Variants in XKR9 observed in about 807,000 individuals in gnomAD.
XKR9 encodes XK-related protein 9.
Under a neutral mutation model 32.0 loss-of-function variants are expected in XKR9, and 32 were observed. The observed-to-expected ratio is 1.00, with a 90% CI of 0.76 to 1.34. The LOEUF is 1.34. XKR9 is among the 40% of genes most tolerant of loss of function. The probability of loss-of-function intolerance (pLI) is 0.00; values close to 1 mark genes in which losing one functional copy is unlikely to be tolerated. For missense variants in XKR9, 546 were observed against 429.7 expected (o/e 1.27, Z -2.39); for synonymous variants, 168 against 143.4 (o/e 1.17, Z -1.22).
chr8:70,949,419 T>TAA, the XKR9 span, among the ~76,000 whole-genome samples: 2 of 151,970 alleles, frequency 1.3e-5, no homozygotes, highest in Non-Finnish European at 2.9e-5. Context: ...TTTAGATTTC[T>TAA]AAATCTAGAA....
chr8:70,973,128 C>T, the XKR9 span, among the ~76,000 whole-genome samples: 5 of 151,912 alleles, frequency 3.3e-5, no homozygotes, highest in Admixed American at 2.0e-4. Context: ...TTTTAATTAT[C>T]ATTTCAATCC....
chr8:70,854,035 A>C, the XKR9 span, among the ~76,000 whole-genome samples: 7 of 151,056 alleles, frequency 4.6e-5, no homozygotes, highest in African/African-American at 1.5e-4. Context: ...TCTTTTGGGT[A>C]TATACCCAGT....
the XKR9 span, among the ~76,000 whole-genome samples, chr8:70,928,774 G>T: frequency 2.0e-5 from 3 of 152,134 alleles, no homozygotes; most frequent in African/African-American, 7.2e-5. Context: ...CTCCCAGCTG[G>T]CACAGACATA....
chr8:70,773,321 C>T (rs1167126160), intron 2 of XKR9, among the ~76,000 whole-genome samples: 3 of 152,152 alleles, frequency 2.0e-5, no homozygotes, highest in Non-Finnish European at 2.9e-5. Context: ...AGAGATTATG[C>T]GTTAACAAAT....
chr8:70,907,099 AATCATGT>A, the XKR9 span, among the ~76,000 whole-genome samples: 1 of 152,186 alleles, frequency 6.6e-6, no homozygotes, highest in African/African-American at 2.4e-5. Flanking sequence ...GCCCTTCCTG[AATCATGT>A]ATGCTTCAAA....
At chr8:71,014,533 T>A in the XKR9 span, among the ~76,000 whole-genome samples, 1 of 152,194 alleles carries the variant, frequency 6.6e-6, no homozygotes, top group African/African-American at 2.4e-5. Context: ...CTGTCTTCTT[T>A]CTATCTCTTA....
chr8:70,799,537 G>A, the XKR9 span, among the ~76,000 whole-genome samples: 1 of 152,004 alleles, frequency 6.6e-6, no homozygotes, highest in Non-Finnish European at 1.5e-5. Context: ...TCACCATGTT[G>A]CCCAGGGTGG....
chr8:70,846,315 A>G, the XKR9 span, among the ~76,000 whole-genome samples: 1 of 152,138 alleles, frequency 6.6e-6, no homozygotes. Context: ...GAGTCTTACA[A>G]TGGGATGTGA....
At chr8:70,919,532 A>G in the XKR9 span, among the ~76,000 whole-genome samples, 1 of 152,314 alleles carries the variant, frequency 6.6e-6, no homozygotes, top group South Asian at 2.1e-4. Flanking sequence ...GTATTGCTCT[A>G]GGGTACTCCA....
chr8:70,845,339 A>C, the XKR9 span, among the ~76,000 whole-genome samples: 1 of 152,242 alleles, frequency 6.6e-6, no homozygotes, highest in East Asian at 1.9e-4. Context: ...ACTGTTACAC[A>C]AGATGTGCAG....
At position 70,669,407 on chromosome 8, in the gene XKR9, C is replaced by A; in HGVS notation, c.-492C>A. ...AAGGCTGGCGCGAGGCGTGAGGTGGCGTGAGGCGAAGCTGGAATCTGCCTC... is the reference window on the plus strand; with the variant it reads ...AAGGCTGGCGCGAGGCGTGAGGTGGAGTGAGGCGAAGCTGGAATCTGCCTC... On this transcript the variant is annotated 5_prime_UTR_variant, in exon 1 of 5. Coordinates refer to ENST00000408926, the MANE Select transcript of XKR9 (RefSeq NM_001011720.2). The A allele has an allele frequency of 2.5e-6, 1 of 392,298 alleles. No homozygotes were observed. The highest frequency in any genetic ancestry group is 3.0e-5 in the South Asian group (1 of 33,860). 24.3% of individuals were successfully genotyped at this position (392,298 alleles called of 1,614,324 possible).
chr8:70,949,050 G>C, the XKR9 span, among the ~76,000 whole-genome samples: 1 of 152,120 alleles, frequency 6.6e-6, no homozygotes, highest in Non-Finnish European at 1.5e-5. Context: ...ATTGACAAGC[G>C]AGTTGCCAGA....
At chr8:70,892,083 C>G in the XKR9 span, among the ~76,000 whole-genome samples, 1 of 152,004 alleles carries the variant, frequency 6.6e-6, no homozygotes, top group Non-Finnish European at 1.5e-5. Context: ...TACTCTTGCT[C>G]TTTGGTTTCC....
chr8:70,670,641 G>T (rs1405912710), intron 1 of XKR9: 1 of 152,020 alleles, frequency 6.6e-6, no homozygotes, highest in Non-Finnish European at 1.5e-5. Context: ...GTGTATCAGA[G>T]TGGCTAATGA....
the XKR9 span, among the ~76,000 whole-genome samples, chr8:70,999,701 T>C: frequency 1.3e-5 from 2 of 152,210 alleles, no homozygotes; most frequent in Non-Finnish European, 2.9e-5. Flanking sequence ...AGCTGTTTTA[T>C]GTCATTTACA....
intron 4 of XKR9, among the ~76,000 whole-genome samples, chr8:70,730,321 G>A (rs1806622129): frequency 6.6e-6 from 1 of 152,078 alleles, no homozygotes; most frequent in African/African-American, 2.4e-5. Flanking sequence ...ATAAATCTAT[G>A]TAGTTTAAAT....
chr8:70,706,035 T>G (rs1166391873), intron 3 of XKR9, among the ~76,000 whole-genome samples: 1 of 152,118 alleles, frequency 6.6e-6, no homozygotes, highest in Non-Finnish European at 1.5e-5. Flanking sequence ...AGCAATATAG[T>G]GAATGTTATT....
downstream of XKR9, among the ~76,000 whole-genome samples, chr8:70,739,055 A>G (rs940455444): frequency 2.9e-5 from 4 of 138,910 alleles, no homozygotes; most frequent in African/African-American, 1.0e-4. Context: ...GATCTGTCTA[A>G]TGTTGACAAT....
At chr8:70,901,538 TC>T in the XKR9 span, among the ~76,000 whole-genome samples, 1 of 152,208 alleles carries the variant, frequency 6.6e-6, no homozygotes, top group Non-Finnish European at 1.5e-5. Context: ...TTGTTGAAGT[TC>T]TTTGTAGATT....
Sources: gnomAD v4.1 joint callset for allele counts (sites outside exome capture counted in the v4.1 genomes callset) on GRCh38, gnomAD v4.1.1 for gene constraint, MANE v1.5 for transcripts, NCBI Gene and HGNC (gene_info 2026-07-23, HGNC 2026-07-21) for gene names.